Variants in KIF6 observed in about 807,000 individuals in gnomAD.
KIF6 encodes the protein kinesin-like protein KIF6.
KIF6 carries 106 observed loss-of-function variants against 112.7 expected under a neutral mutation model. That is an observed-to-expected ratio of 0.94 (90% CI 0.80 to 1.11). KIF6 has a LOEUF of 1.11. Among genes scored for constraint, KIF6 ranks in the 50% least tolerant of loss-of-function variants. The pLI, the probability that KIF6 is intolerant of heterozygous loss-of-function variation, is 0.00. For missense variants in KIF6, 929 were observed against 964.0 expected (o/e 0.96, Z 0.48); for synonymous variants, 339 against 339.9 (o/e 1.00, Z 0.03).
chr6:39,523,214 C>T (rs1777497472), intron 13 of KIF6, among the ~76,000 whole-genome samples: 1 of 152,102 alleles, frequency 6.6e-6, no homozygotes, highest in Non-Finnish European at 1.5e-5. Context: ...TTTGTCTCAT[C>T]TTTTCAGTCC....
At chr6:39,587,626 A>G (rs1171449021) in intron 7 of KIF6, among the ~76,000 whole-genome samples, 4 of 151,924 alleles carry the variant, frequency 2.6e-5, no homozygotes. Context: ...CTTCGAGCTG[A>G]TGGCCACACT....
chr6:39,540,361 GC>G, intron 12 of KIF6, 140 bp from the exon 13 acceptor site: 1 of 615,990 alleles, frequency 1.6e-6, no homozygotes, highest in Non-Finnish European at 2.8e-6. Context: ...ACTTCCTGAA[GC>G]CCCATATATA....
intron 13 of KIF6, among the ~76,000 whole-genome samples, chr6:39,509,004 C>G (rs1776609170): frequency 6.6e-6 from 1 of 152,142 alleles, no homozygotes; most frequent in Admixed American, 6.5e-5. Context: ...CAGGTGGGTG[C>G]TCCTCTGGGA....
chr6:39,424,992 C>T (rs1330932733), intron 14 of KIF6, among the ~76,000 whole-genome samples: 1 of 152,158 alleles, frequency 6.6e-6, no homozygotes, highest in Non-Finnish European at 1.5e-5. Context: ...TCCCATCCTG[C>T]TGTGGGGTGT....
At position 39,576,366 on chromosome 6, in the gene KIF6, C is replaced by T. The variant is rs575766997; in HGVS notation, c.1181+1690G>A. 1.3e-3 allele frequency among the ~76,000 whole-genome samples: 196 copies of T among 152,212 alleles called. 1 individual carries two copies. Among genetic ancestry groups the T allele is most frequent in the African/African-American group, 4.2e-3 (175 of 41,532 alleles). ...CTCGAACTCCTGACCTCAGGTGATC[C>T]ACCCGCCTCAGCCTCCCAAAGTGCT... On this transcript the variant is annotated intron_variant, in intron 10 of 22. Transcript: ENST00000287152.
At chr6:39,691,603 T>C (rs1196593973) in intron 3 of KIF6, 5 of 152,234 alleles carry the variant, frequency 3.3e-5, no homozygotes, top group Admixed American at 3.3e-4. Flanking sequence ...CTTATAAAGA[T>C]TGCTTGGTGG....
At chr6:39,597,563 C>T (rs1303574875) in intron 6 of KIF6, among the ~76,000 whole-genome samples, 1 of 152,130 alleles carries the variant, frequency 6.6e-6, no homozygotes, top group East Asian at 1.9e-4. Context: ...AACCAACTAT[C>T]CATCTTGAAA....
chr6:39,539,408 A>T (rs1023422494), intron 13 of KIF6, among the ~76,000 whole-genome samples: 2 of 152,012 alleles, frequency 1.3e-5, no homozygotes, highest in East Asian at 3.9e-4. Flanking sequence ...TAGTGGCCTG[A>T]TCTTGGCTCA....
At chr6:39,345,831 A>C (rs775280979) in intron 20 of KIF6, 42 bp from the exon 21 acceptor site, 1 of 1,433,414 alleles carries the variant, frequency 7.0e-7, no homozygotes, top group African/African-American at 1.7e-5. Context: ...AATGGGGGCA[A>C]ATTTATAGAA....
At chr6:39,615,800 T>C (rs1304739421) in intron 5 of KIF6, among the ~76,000 whole-genome samples, 3 of 152,156 alleles carry the variant, frequency 2.0e-5, no homozygotes, top group Admixed American at 2.0e-4. Context: ...TCATATCTAC[T>C]AATAGGCAAG....
At chr6:39,360,003 T>C (rs891730370) in intron 18 of KIF6, among the ~76,000 whole-genome samples, 1 of 152,232 alleles carries the variant, frequency 6.6e-6, no homozygotes, top group Non-Finnish European at 1.5e-5. Context: ...TGGTGATTTT[T>C]ACTTTCTTCT....
rs114587482 is a variant in KIF6, at chr6:39,514,781, C to G, written c.1645+25222G>C. 9.3e-3 allele frequency among the ~76,000 whole-genome samples: 1,408 copies of G among 152,056 alleles called. 22 individuals carry two copies. Among genetic ancestry groups the G allele is most frequent in the African/African-American group, 0.032 (1,345 of 41,476 alleles). The stretch of plus-strand genomic sequence containing the variant: ...CAAACTCAAGGCTTTTTTTCCCCCC[C>G]GGGGATGATTTTCTCTACTATTTGG... On this transcript the variant is annotated intron_variant, in intron 13 of 22. Transcript: ENST00000287152.
chr6:39,502,383 C>A (rs10947815), intron 13 of KIF6, among the ~76,000 whole-genome samples: 32,872 of 151,396 alleles, frequency 0.22, 4,237 homozygotes, highest in African/African-American at 0.34. Flanking sequence ...CTAAAAAAAA[C>A]ACACACACAC....
At chr6:39,649,840 C>T (rs1785380273) in intron 3 of KIF6, among the ~76,000 whole-genome samples, 1 of 152,116 alleles carries the variant, frequency 6.6e-6, no homozygotes, top group African/African-American at 2.4e-5. Context: ...CCTCTCACAC[C>T]ATTAACCACC....
rs75131698 is a variant in KIF6 at position 39,522,348 on chromosome 6, A to G, written c.1645+17655T>C. 2.0e-3 allele frequency among the ~76,000 whole-genome samples: 304 copies of G among 152,306 alleles called. 2 individuals carry two copies. Among genetic ancestry groups the G allele is most frequent in the African/African-American group, 7.1e-3 (294 of 41,560 alleles). The stretch of plus-strand genomic sequence containing the variant: ...GTGCCCTGTGTATATTGGATCAAAG[A>G]GTGAAAAAATCATCCAGTACCCCCA... On this transcript the variant is annotated intron_variant, in intron 13 of 22. Transcript: ENST00000287152.
intron 16 of KIF6, among the ~76,000 whole-genome samples, chr6:39,372,116 G>A (rs1205207712): frequency 6.6e-6 from 1 of 152,100 alleles, no homozygotes; most frequent in Non-Finnish European, 1.5e-5. Flanking sequence ...TGATGAAATT[G>A]GAATTATTAA....
Position 39,354,212 on chromosome 6 carries a change from C to T in KIF6, c.2180+3065G>A, listed in dbSNP as rs1764470721. On this transcript the variant is annotated intron_variant, in intron 19 of 22. Transcript: ENST00000287152. ...TGCCACCCTCCTGTCTCAGGCTGCC[C>T]TTGCAGGGTACACAGACCAGGTTTT... 6.9e-6 allele frequency: 2 copies of T among 287,994 alleles called. 1 individual carries two copies. The highest frequency in any genetic ancestry group is 8.3e-5 in the Admixed American group (2 of 23,978). The allele number at this position is 287,994 out of a possible 1,614,324, so 17.8% of individuals were successfully genotyped here. A position where few individuals can be genotyped will look rare whatever the true frequency, so the allele number is the denominator to read the frequency against.
chr6:39,395,712 A>G (rs1454928156), intron 15 of KIF6, among the ~76,000 whole-genome samples: 1 of 152,128 alleles, frequency 6.6e-6, no homozygotes, highest in Admixed American at 6.6e-5. Context: ...GGGCATTCAA[A>G]TCTCCTCTAC....
chr6:39,533,808 C>G (rs1778231358), intron 13 of KIF6, among the ~76,000 whole-genome samples: 1 of 152,166 alleles, frequency 6.6e-6, no homozygotes, highest in Non-Finnish European at 1.5e-5. Context: ...TGGGAGGCAC[C>G]CCCCAATAGG....
Sources: allele counts gnomAD v4.1 joint callset (sites outside exome capture counted in the v4.1 genomes callset), GRCh38; gene constraint gnomAD v4.1.1; transcripts MANE v1.5; gene names NCBI Gene and HGNC (gene_info 2026-07-23, HGNC 2026-07-21).